TAFA1: variants seen among roughly 807,000 people sequenced by gnomAD.
TAFA1 encodes the protein TAFA chemokine like family member 1.
In TAFA1, 4 loss-of-function variants were observed where a neutral mutation model predicts 18.5. The ratio of observed to expected loss-of-function variants is 0.22; its 90% CI spans 0.11 to 0.49. The LOEUF (loss-of-function observed/expected upper bound fraction) is 0.49, where lower values mean the gene tolerates loss of function less well. TAFA1 is among the 20% of genes least tolerant of loss of function. The pLI is 0.98. For missense variants in TAFA1, 147 were observed against 169.0 expected, an observed-to-expected ratio of 0.87 and a Z score of 0.72; for synonymous variants, 56 against 55.2, an observed-to-expected ratio of 1.01 and a Z score of -0.06.
At chr3:68,298,926 C>T (rs1211308300) in intron 2 of TAFA1, among the ~76,000 whole-genome samples, 1 of 152,090 alleles carries the variant, frequency 6.6e-6, no homozygotes, top group African/African-American at 2.4e-5. Flanking sequence ...TAGAAAGATA[C>T]CTGAAAATGT....
chr3:68,013,141 A>G (rs915972538), intron 2 of TAFA1, among the ~76,000 whole-genome samples: 11 of 152,112 alleles, frequency 7.2e-5, no homozygotes, highest in African/African-American at 2.7e-4. Flanking sequence ...TACTGAGTTG[A>G]CACATACTAG....
chr3:68,448,662 T>C (rs1398739202), intron 3 of TAFA1, among the ~76,000 whole-genome samples: 1 of 152,130 alleles, frequency 6.6e-6, no homozygotes, highest in East Asian at 1.9e-4. Flanking sequence ...CCACTGAAAC[T>C]TCAAAGTACA....
chr3:68,050,824 C>A (rs570741906), intron 2 of TAFA1, among the ~76,000 whole-genome samples: 2 of 152,280 alleles, frequency 1.3e-5, no homozygotes, highest in South Asian at 2.1e-4. Flanking sequence ...TGAAAGCAAC[C>A]AAAGACAATA....
intron 2 of TAFA1, among the ~76,000 whole-genome samples, chr3:68,234,177 G>T (rs1575695954): frequency 6.6e-6 from 1 of 152,256 alleles, no homozygotes; most frequent in East Asian, 1.9e-4. Context: ...CCCCACTATG[G>T]CATTTGAGAG....
rs1159974526 is a variant in TAFA1, at chr3:68,544,520, A to G, written c.*17A>G. Reference sequence around the variant, plus strand: ...AGAACCTAACAGAAGCATTTGTGGTAGTAAAGGAAAACCAACCCTCTGGAA... The same window carrying G: ...AGAACCTAACAGAAGCATTTGTGGTGGTAAAGGAAAACCAACCCTCTGGAA... On this transcript the variant is annotated 3_prime_UTR_variant, in exon 5 of 5. Transcript: ENST00000478136. The G allele has an allele frequency of 1.2e-6, 2 of 1,612,028 alleles. No individual in the cohort carries two copies. Among genetic ancestry groups the G allele is most frequent in the African/African-American group, 1.3e-5 (1 of 74,854 alleles).
chr3:68,508,211 C>T (rs2072790773), intron 3 of TAFA1, among the ~76,000 whole-genome samples: 1 of 151,170 alleles, frequency 6.6e-6, no homozygotes, highest in Non-Finnish European at 1.5e-5. Context: ...CTTATCCTGT[C>T]AGATCAGGGC....
At chr3:68,081,980 G>A (rs980880481) in intron 2 of TAFA1, among the ~76,000 whole-genome samples, 64 of 152,230 alleles carry the variant, frequency 4.2e-4, no homozygotes, top group African/African-American at 1.5e-3. Context: ...ATGGGCGTAG[G>A]ACCCTCTGAG....
intron 2 of TAFA1, among the ~76,000 whole-genome samples, chr3:68,249,401 A>G (rs987715839): frequency 1.3e-5 from 2 of 152,296 alleles, no homozygotes; most frequent in South Asian, 4.1e-4. Flanking sequence ...TGTTTTAGTC[A>G]CAGCTCTGAC....
chr3:68,536,723 A>C (rs1312146551), intron 3 of TAFA1, among the ~76,000 whole-genome samples: 3 of 152,168 alleles, frequency 2.0e-5, no homozygotes, highest in African/African-American at 4.8e-5. Context: ...TGTTATCAGA[A>C]AATGTGTGCT....
chr3:68,098,817 A>G (rs1400458991), intron 2 of TAFA1, among the ~76,000 whole-genome samples: 4 of 152,144 alleles, frequency 2.6e-5, no homozygotes, highest in African/African-American at 4.8e-5. Context: ...GTATAGACCA[A>G]TGGAACAGAA....
In TAFA1 at chr3:68,145,714, T is replaced by G. The variant is rs374420533; in HGVS notation, c.118+138970T>G. The G allele has an allele frequency of 1.6e-5, 12 of 748,722 alleles. No homozygotes were observed. The East Asian group carries it at 2.4e-4, about 15-fold the overall frequency. The allele number at this position is 748,722 out of a possible 1,614,324, so 46.4% of individuals were successfully genotyped here. Reference sequence around the variant, plus strand: ...GAAATGTAAAGTTTGTATTTTCAATTTATTGGATGGCTTAAGCACCTCAGC... The same window carrying G: ...GAAATGTAAAGTTTGTATTTTCAATGTATTGGATGGCTTAAGCACCTCAGC... On this transcript the variant is annotated intron_variant, in intron 2 of 4. Transcript: ENST00000478136.
In TAFA1 at chr3:68,127,608, G is replaced by A. The variant is rs1430458596; in HGVS notation, c.118+120864G>A. 2.6e-4 allele frequency among the ~76,000 whole-genome samples: 39 copies of A among 149,770 alleles called. 5 individuals are homozygous for A. The highest frequency in any genetic ancestry group is 4.4e-4 in the South Asian group (2 of 4,506). ...GATGGTAGCAGTGGATGATAGTGGT[G>A]GTGGTGGTGTGATGATGGTCGTGGT... On this transcript the variant is annotated intron_variant, in intron 2 of 4. Transcript: ENST00000478136.
At chr3:68,006,186 T>TA (rs75512410) in intron 1 of TAFA1, 458 of 146,084 alleles carry the variant, frequency 3.1e-3, no homozygotes, top group Middle Eastern at 7.4e-3. Context: ...ACTGTAGAAT[T>TA]AAAAAAAAAA....
At chr3:68,255,920 T>C (rs1342419266) in intron 2 of TAFA1, among the ~76,000 whole-genome samples, 2 of 152,116 alleles carry the variant, frequency 1.3e-5, no homozygotes, top group African/African-American at 2.4e-5. Context: ...GGCTAATGAA[T>C]CAATTTACTG....
chr3:68,116,459 T>C (rs1334691455), intron 2 of TAFA1, among the ~76,000 whole-genome samples: 4 of 152,214 alleles, frequency 2.6e-5, no homozygotes, highest in Non-Finnish European at 5.9e-5. Flanking sequence ...AATTTATTTG[T>C]AGATCATTCA....
At chr3:68,050,322 G>C (rs1415746140) in intron 2 of TAFA1, among the ~76,000 whole-genome samples, 1 of 152,102 alleles carries the variant, frequency 6.6e-6, no homozygotes, top group Non-Finnish European at 1.5e-5. Context: ...CTCTTTGAAG[G>C]CTGCATATGG....
intron 2 of TAFA1, among the ~76,000 whole-genome samples, chr3:68,238,652 G>T (rs2066959339): frequency 6.6e-6 from 1 of 152,138 alleles, no homozygotes; most frequent in Admixed American, 6.5e-5. Flanking sequence ...GAATTGTTTT[G>T]TTAATCCTTT....
At chr3:68,503,829 T>C (rs1050398326) in intron 3 of TAFA1, among the ~76,000 whole-genome samples, 20 of 152,134 alleles carry the variant, frequency 1.3e-4, no homozygotes, top group Non-Finnish European at 2.1e-4. Context: ...ACAGCATTCA[T>C]AGATTTATTT....
Position 68,336,141 on chromosome 3 carries a change from T to C in TAFA1, c.119-81139T>C, listed in dbSNP as rs147032311. On this transcript the variant is annotated intron_variant, in intron 2 of 4. Transcript: ENST00000478136. ...CTTTCTAATTTGACAATAAAGAACA[T>C]AATGTCTACCTTGTCTAGTTGTTGT... is the stretch of plus-strand genomic sequence containing the variant. Among the ~76,000 whole-genome samples the C allele has an allele frequency of 9.2e-4, 140 of 152,334 alleles. 3 individuals carry two copies. In the East Asian group the frequency reaches 0.018, roughly 19 times the overall value.
Sources: gnomAD v4.1 joint callset for allele counts (sites outside exome capture counted in the v4.1 genomes callset) on GRCh38, gnomAD v4.1.1 for gene constraint, MANE v1.5 for transcripts, NCBI Gene and HGNC (gene_info 2026-07-23, HGNC 2026-07-21) for gene names.